Variants in CYTH1 observed in about 807,000 individuals in gnomAD.
CYTH1 encodes cytohesin 1.
CYTH1 carries 18 observed loss-of-function variants against 61.8 expected under a neutral mutation model. That is an observed-to-expected ratio of 0.29 (90% confidence interval 0.20 to 0.43). The LOEUF is 0.43. CYTH1 is among the 20% of genes least tolerant of loss of function. CYTH1 has a pLI of 1.00. For missense variants in CYTH1, 336 were observed against 510.5 expected (o/e 0.66, Z 3.29); for synonymous variants, 174 against 184.3 (o/e 0.94, Z 0.45).
At chr17:78,755,733 A>C (rs934447726) in intron 1 of CYTH1, among the ~76,000 whole-genome samples, 13 of 151,942 alleles carry the variant, frequency 8.6e-5, no homozygotes, top group African/African-American at 2.9e-4. Context: ...CAGAAGCTCA[A>C]GACCAGTCTG....
chr17:78,726,558 G>A lies in CYTH1; in HGVS notation c.23-16826C>T, dbSNP rs1256171687. Among the ~76,000 whole-genome samples, 3 of 152,104 alleles carry A rather than the reference G, an allele frequency of 2.0e-5. No individual in the cohort carries two copies. The East Asian group carries it at 5.8e-4, about 29-fold the overall frequency. The stretch of plus-strand genomic sequence containing the variant: ...CTGTCTGCAAGGTGCTATGCGGAGT[G>A]GGGCTCAGAGAAGAGCAGGGCCCAG... On this transcript the variant is annotated intron_variant, in intron 1 of 13. Coordinates refer to ENST00000446868, the MANE Select transcript of CYTH1 (RefSeq NM_004762.6).
chr17:78,702,063 T>G (rs894919447), intron 5 of CYTH1, 59 bp downstream of exon 5: 10 of 1,379,544 alleles, frequency 7.2e-6, no homozygotes, highest in Non-Finnish European at 2.0e-6. Flanking sequence ...GGGAGTTTGT[T>G]TCTTTGTGTC....
At chr17:78,701,210 T>G (rs892531111) in intron 6 of CYTH1, among the ~76,000 whole-genome samples, 1 of 152,162 alleles carries the variant, frequency 6.6e-6, no homozygotes, top group Non-Finnish European at 1.5e-5. Context: ...AGCTAAATGA[T>G]AGCACAAAAG....
At chr17:78,737,559 G>A (rs1221707821) in intron 1 of CYTH1, among the ~76,000 whole-genome samples, 3 of 148,822 alleles carry the variant, frequency 2.0e-5, no homozygotes, top group African/African-American at 7.5e-5. Flanking sequence ...ATTACAGCAT[G>A]TTATGAGGTC....
At position 78,760,380 on chromosome 17, in the gene CYTH1, TATATACAC is replaced by T. The variant is rs1486423517; in HGVS notation, c.22+21814_22+21821del. Among the ~76,000 whole-genome samples, 92 of 55,102 alleles carry T rather than the reference TATATACAC, an allele frequency of 1.7e-3. 6 individuals are homozygous for T. The highest frequency in any genetic ancestry group is 2.2e-3 in the East Asian group (4 of 1,782). The allele number at this position is 55,102 out of a possible 152,430, so 36.1% of individuals were successfully genotyped here. A position where few individuals can be genotyped will look rare whatever the true frequency, so the allele number is the denominator to read the frequency against. ...TTATATATATATATATATATATATA[TATATACAC>T]ACACATACATATATATATGTGTATA... On this transcript the variant is annotated intron_variant, in intron 1 of 13. Transcript: ENST00000446868.
In CYTH1 at chr17:78,684,972, G is replaced by A. The variant is rs894074954; in HGVS notation, c.892-3930C>T. On this transcript the variant is annotated intron_variant, in intron 11 of 13. Coordinates refer to ENST00000446868, the MANE Select transcript of CYTH1 (RefSeq NM_004762.6). ...TCCCAGCACTTTGGGAGGCTGAGGC[G>A]GGCAGATCACGAGGTCAGGAGTTTG... Among the ~76,000 whole-genome samples the A allele has an allele frequency of 3.3e-5, 5 of 152,202 alleles. No individual in the cohort carries two copies. The South Asian group carries it at 6.2e-4, about 19-fold the overall frequency.
Position 78,681,131 on chromosome 17 carries a change from C to A in CYTH1, c.892-89G>T. ...CTCGCCGGTGACTCAGCCGAACTTT[C>A]CTGCTTTCTCCCAGGACATGAAGTT... is the stretch of plus-strand genomic sequence containing the variant. On this transcript the variant is annotated intron_variant, in intron 11 of 13. Transcript: ENST00000446868. 3 of 1,295,020 alleles carry A rather than the reference C, an allele frequency of 2.3e-6. 1 individual carries two copies. Among genetic ancestry groups the A allele is most frequent in the African/African-American group, 1.5e-5 (1 of 67,520 alleles). The allele number at this position is 1,295,020 out of a possible 1,614,324, so 80.2% of individuals were successfully genotyped here. A position where few individuals can be genotyped will look rare whatever the true frequency, so the allele number is the denominator to read the frequency against.
chr17:78,729,215 C>T (rs998282347), intron 1 of CYTH1, among the ~76,000 whole-genome samples: 2 of 152,146 alleles, frequency 1.3e-5, no homozygotes, highest in Non-Finnish European at 2.9e-5. Context: ...TCAAGCGATA[C>T]TCCCACCTCA....
At chr17:78,727,312 G>A (rs143775835) in intron 1 of CYTH1, among the ~76,000 whole-genome samples, 1 of 151,936 alleles carries the variant, frequency 6.6e-6, no homozygotes, top group African/African-American at 2.4e-5. Flanking sequence ...GAGGCCTGGG[G>A]TTTTTTTTAC....
chr17:78,760,027 G>A (rs1159512035), intron 1 of CYTH1, among the ~76,000 whole-genome samples: 1 of 152,060 alleles, frequency 6.6e-6, no homozygotes, highest in Non-Finnish European at 1.5e-5. Flanking sequence ...TGGTACGTTT[G>A]GTATGGCTAG....
intron 1 of CYTH1, among the ~76,000 whole-genome samples, chr17:78,727,065 T>C (rs969277272): frequency 1.1e-4 from 17 of 152,226 alleles, no homozygotes; most frequent in Admixed American, 1.1e-3. Flanking sequence ...GCATCAATCA[T>C]TTTATTTCTA....
intron 8 of CYTH1, 24 bp downstream of exon 8, chr17:78,698,796 T>C: frequency 6.5e-7 from 1 of 1,549,718 alleles, no homozygotes; most frequent in Non-Finnish European, 8.6e-7. Flanking sequence ...TTGACTTGAA[T>C]GAAGACCATT....
At chr17:78,740,060 C>T (rs563937494) in intron 1 of CYTH1, among the ~76,000 whole-genome samples, 14 of 152,290 alleles carry the variant, frequency 9.2e-5, no homozygotes, top group African/African-American at 2.9e-4. Context: ...CTCAGCCTCC[C>T]GAGTGGCTGG....
chr17:78,711,882 C>T (rs1175551542), intron 1 of CYTH1, among the ~76,000 whole-genome samples: 1 of 151,744 alleles, frequency 6.6e-6, no homozygotes, highest in South Asian at 2.1e-4. Flanking sequence ...TTGGGACCAG[C>T]ATGGACAACA....
At chr17:78,699,922 C>T (rs766330157) in intron 7 of CYTH1, among the ~76,000 whole-genome samples, 19 of 152,010 alleles carry the variant, frequency 1.2e-4, no homozygotes, top group South Asian at 2.1e-4. Flanking sequence ...CACAAATAGC[C>T]GGGACTACAG....
At chr17:78,751,766 A>C (rs1198782990) in intron 1 of CYTH1, among the ~76,000 whole-genome samples, 1 of 152,260 alleles carries the variant, frequency 6.6e-6, no homozygotes, top group Admixed American at 6.5e-5. Flanking sequence ...GAGTACAGGT[A>C]TCTCTCTGCT....
At chr17:78,754,433 T>C (rs1447107365) in intron 1 of CYTH1, among the ~76,000 whole-genome samples, 1 of 151,854 alleles carries the variant, frequency 6.6e-6, no homozygotes, top group East Asian at 1.9e-4. Context: ...AGCCTCAACC[T>C]CCCTGGTTTA....
At chr17:78,753,911 T>C (rs557570529) in intron 1 of CYTH1, among the ~76,000 whole-genome samples, 15 of 152,244 alleles carry the variant, frequency 9.9e-5, no homozygotes, top group Non-Finnish European at 1.8e-4. Flanking sequence ...AATAATCCCT[T>C]AAAAAATATA....
At chr17:78,753,978 A>G (rs912726043) in intron 1 of CYTH1, among the ~76,000 whole-genome samples, 6 of 152,180 alleles carry the variant, frequency 3.9e-5, no homozygotes, top group African/African-American at 1.4e-4. Flanking sequence ...TGGTAATGAC[A>G]TCATCAATCC....
Sources: allele counts gnomAD v4.1 joint callset (sites outside exome capture counted in the v4.1 genomes callset), GRCh38; gene constraint gnomAD v4.1.1; transcripts MANE v1.5; gene names NCBI Gene and HGNC (gene_info 2026-07-23, HGNC 2026-07-21).